Variants in PLEKHG5 observed in about 807,000 individuals in gnomAD.
PLEKHG5 encodes the protein pleckstrin homology and RhoGEF domain containing G5, also known as pleckstrin homology domain-containing family G member 5.
In PLEKHG5, 52 loss-of-function variants were observed where a neutral mutation model predicts 103.8. The ratio of observed to expected loss-of-function variants is 0.50; its 90% CI spans 0.40 to 0.63. The LOEUF is 0.63. Ranked by LOEUF, PLEKHG5 falls within the 30% of genes least tolerant of loss-of-function variation. The probability of loss-of-function intolerance (pLI) is 0.00; values close to 1 mark genes in which losing one functional copy is unlikely to be tolerated. For synonymous variants in PLEKHG5, 592 were observed against 575.5 expected, an observed-to-expected ratio of 1.03 and a Z score of -0.41; for missense variants, 1,205 against 1,347.6, an observed-to-expected ratio of 0.89 and a Z score of 1.66.
At chr1:6,471,141 G>A (rs1246969236) in intron 12 of PLEKHG5, 41 bp from the exon 13 acceptor site, 11 of 1,490,098 alleles carry the variant, frequency 7.4e-6, no homozygotes, top group South Asian at 1.2e-5. Context: ...GTTACCGCGC[G>A]CTCCCTGCGG....
At chr1:6,475,866 G>T in intron 3 of PLEKHG5, 65 bp downstream of exon 3, 1 of 1,295,920 alleles carries the variant, frequency 7.7e-7, no homozygotes, top group Non-Finnish European at 1.1e-6. Flanking sequence ...GGTCCTGAAT[G>T]TCTGATCTGA....
intron 1 of PLEKHG5, among the ~76,000 whole-genome samples, chr1:6,511,801 G>A (rs1039969676): frequency 6.6e-6 from 1 of 152,230 alleles, no homozygotes; most frequent in Admixed American, 6.5e-5. Context: ...ACTGCAGAGA[G>A]TGAGTGTGTG....
chr1:6,493,564 G>A (rs1410976622), upstream of PLEKHG5, among the ~76,000 whole-genome samples: 3 of 152,094 alleles, frequency 2.0e-5, no homozygotes, highest in Admixed American at 6.5e-5. Flanking sequence ...TTCTCCTGAG[G>A]GTCTCAAGAA....
chr1:6,467,430 G>GTA lies in PLEKHG5; in HGVS notation c.*131_*132dup. 1 of 965,744 alleles carries GTA rather than the reference G, an allele frequency of 1.0e-6. No homozygotes were observed. Among genetic ancestry groups the GTA allele is most frequent in the Non-Finnish European group, 1.7e-6 (1 of 593,858 alleles). 59.8% of individuals were successfully genotyped at this position (965,744 alleles called of 1,614,324 possible). On this transcript the variant is annotated 3_prime_UTR_variant, in exon 21 of 21. Coordinates refer to ENST00000377728, the MANE Select transcript of PLEKHG5 (RefSeq NM_020631.6). ...GGCAAAGCGCAAATCGGGCCCGGGC[G>GTA]TAGGCAGGGATCCTGCCCAGCATCC...
At chr1:6,497,556 C>A (rs942352569), upstream of PLEKHG5, 3 of 153,752 alleles carry the variant, frequency 2.0e-5, no homozygotes, top group African/African-American at 4.8e-5. This position sits in a 1 kb window ranked among gnomAD's most constrained non-coding sequence, Gnocchi z 6.1. Flanking sequence ...GCTCCCCGGC[C>A]CCTGCGCGCT....
chr1:6,500,697 C>A (rs1229753216), upstream of PLEKHG5, among the ~76,000 whole-genome samples: 1 of 151,660 alleles, frequency 6.6e-6, no homozygotes, highest in African/African-American at 2.4e-5. Flanking sequence ...GAACTACCCC[C>A]CTTGAGGCAG....
rs1645145368 is a variant in PLEKHG5, at chr1:6,491,171, T to C, written c.-88+466A>G. On this transcript the variant is annotated intron_variant, in intron 1 of 20. Transcript: ENST00000377728. The surrounding 1 kb of genome is among the most constrained non-coding windows in gnomAD (Gnocchi z 4.1). The stretch of plus-strand genomic sequence containing the variant: ...CATTTAGTGGTTCCCAGTTCCCCTC[T>C]CCCAGCAGCGGGAGTTTAGAATAAC... Among the ~76,000 whole-genome samples the C allele has an allele frequency of 6.6e-6, 1 of 151,462 alleles. No individual in the cohort carries two copies. The highest frequency in any genetic ancestry group is 2.4e-5 in the African/African-American group (1 of 41,160).
At chr1:6,508,307 T>A (rs978344120) in intron 1 of PLEKHG5, among the ~76,000 whole-genome samples, 14 of 152,184 alleles carry the variant, frequency 9.2e-5, no homozygotes, top group African/African-American at 2.9e-4. Context: ...CGGAGCATCA[T>A]CTTCTGTGTT....
Position 6,468,037 on chromosome 1 carries a change from A to C in PLEKHG5, c.2799T>G (p.Pro933=), listed in dbSNP as rs779825659. Residue 933 remains proline (P), a synonymous_variant, in exon 20 of 21, where the codon CCT becomes CCG. Transcript: ENST00000377728. ...CTAGCCCAGGACCGCTGCCAGGGCTAGGGGCCCCTCGGCAATCCCAGCTGG... is the reference window on the plus strand; with the variant it reads ...CTAGCCCAGGACCGCTGCCAGGGCTCGGGGCCCCTCGGCAATCCCAGCTGG... ...AGPSWDCRGA[P]SPGSGPGLVG... is the part of the protein sequence containing the mutation. 1.1e-5 allele frequency: 17 copies of C among 1,558,714 alleles called. No homozygotes were observed. The highest frequency in any genetic ancestry group is 1.4e-5 in the Non-Finnish European group (16 of 1,153,976).
intron 1 of PLEKHG5, among the ~76,000 whole-genome samples, chr1:6,511,678 G>T (rs1469747920): frequency 6.6e-6 from 1 of 152,256 alleles, no homozygotes; most frequent in East Asian, 1.9e-4. Flanking sequence ...CCACGACAGG[G>T]CTCACAGAGC....
upstream of PLEKHG5, among the ~76,000 whole-genome samples, chr1:6,494,588 C>T (rs952243566): frequency 2.0e-5 from 3 of 152,126 alleles, no homozygotes; most frequent in Non-Finnish European, 2.9e-5. Flanking sequence ...TTATCATCAT[C>T]GACAATGTTA....
intron 1 of PLEKHG5, among the ~76,000 whole-genome samples, chr1:6,504,919 T>C (rs1638263263): frequency 6.6e-6 from 1 of 152,150 alleles, no homozygotes; most frequent in African/African-American, 2.4e-5. Flanking sequence ...GGCTCCCTCT[T>C]GCCTCCCAAT....
At chr1:6,514,713 A>G (rs1212461766) in intron 1 of PLEKHG5, among the ~76,000 whole-genome samples, 4 of 151,644 alleles carry the variant, frequency 2.6e-5, no homozygotes, top group Non-Finnish European at 4.4e-5. Context: ...GCGAGCCGAG[A>G]TCATGCCACT....
At chr1:6,503,906 G>T (rs1415898258) in intron 1 of PLEKHG5, among the ~76,000 whole-genome samples, 1 of 150,028 alleles carries the variant, frequency 6.7e-6, no homozygotes, top group African/African-American at 2.4e-5. Context: ...GCATCCCAAG[G>T]GGAGGGACCA....
chr1:6,491,889 G>A (rs992327857), upstream of PLEKHG5, among the ~76,000 whole-genome samples: 1 of 152,142 alleles, frequency 6.6e-6, no homozygotes, highest in African/African-American at 2.4e-5. The surrounding 1 kb of genome is among the most constrained non-coding windows in gnomAD (Gnocchi z 4.1). Context: ...CCTCCACTTC[G>A]GGGATAGCTC....
At chr1:6,474,971 A>T in intron 5 of PLEKHG5, 76 bp downstream of exon 5, 1 of 908,738 alleles carries the variant, frequency 1.1e-6, no homozygotes, top group Non-Finnish European at 1.9e-6. Context: ...TCACACCTGC[A>T]GAGACCCGGA....
chr1:6,470,158 G>C (rs1164070455), intron 16 of PLEKHG5, 78 bp downstream of exon 16: 2 of 1,516,254 alleles, frequency 1.3e-6, no homozygotes, highest in Admixed American at 1.7e-5. Context: ...AGGGACTGCA[G>C]AGCTGAGAAC....
chr1:6,470,128 G>T, intron 16 of PLEKHG5, 108 bp downstream of exon 16: 2 of 1,247,050 alleles, frequency 1.6e-6, no homozygotes, highest in South Asian at 1.3e-5. Flanking sequence ...CAAGGTCACT[G>T]GTTCTTGAGT....
chr1:6,484,493 C>A (rs190014545), intron 1 of PLEKHG5, among the ~76,000 whole-genome samples: 1 of 152,174 alleles, frequency 6.6e-6, no homozygotes, highest in Non-Finnish European at 1.5e-5. Context: ...GGAAGCCCCC[C>A]GGGAGAACCA....
Sources: gnomAD v4.1 joint callset for allele counts (sites outside exome capture counted in the v4.1 genomes callset) on GRCh38, gnomAD v4.1.1 for gene constraint, Gnocchi (gnomAD v3.1) non-coding constraint, MANE v1.5 for transcripts, NCBI Gene and HGNC (gene_info 2026-07-23, HGNC 2026-07-21) for gene names.